The following MALRD1 variants were observed in gnomAD, a reference collection of about 807,000 sequenced individuals.
The protein encoded by MALRD1 is MAM and LDL-receptor class A domain-containing protein 1.
Under a neutral mutation model 242.1 loss-of-function variants are expected in MALRD1, and 247 were observed. That is an observed-to-expected ratio of 1.02 (90% CI 0.92 to 1.13). MALRD1 has a LOEUF of 1.13. Ranked by LOEUF, MALRD1 falls within the 50% of genes most tolerant of loss-of-function variation. The pLI is 0.00. For synonymous variants in MALRD1, 995 were observed against 866.6 expected, an observed-to-expected ratio of 1.15 and a Z score of -2.60; for missense variants, 2,989 against 2,533.1, an observed-to-expected ratio of 1.18 and a Z score of -3.86.
intron 24 of MALRD1, among the ~76,000 whole-genome samples, chr10:19,341,499 T>TAC (rs1683888951): frequency 7.0e-6 from 1 of 142,914 alleles, no homozygotes; most frequent in Non-Finnish European, 1.5e-5. Flanking sequence ...TATATGTATA[T>TAC]ATGTATATAT....
chr10:19,549,959 G>A (rs925177122), intron 32 of MALRD1, among the ~76,000 whole-genome samples: 1 of 152,132 alleles, frequency 6.6e-6, no homozygotes, highest in African/African-American at 2.4e-5. Context: ...AGAGAGCAAT[G>A]CCTCTCTATA....
At chr10:19,117,934 T>C (rs1266179564) in intron 5 of MALRD1, among the ~76,000 whole-genome samples, 1 of 151,284 alleles carries the variant, frequency 6.6e-6, no homozygotes, top group Admixed American at 6.8e-5. Context: ...GATAGTCGTG[T>C]GATAGCGGTG....
intron 1 of MALRD1, among the ~76,000 whole-genome samples, chr10:19,053,482 C>T (rs560707537): frequency 3.9e-5 from 6 of 152,252 alleles, no homozygotes; most frequent in Admixed American, 2.0e-4. Flanking sequence ...CCGAAATTGG[C>T]GGGCTTGACC....
At chr10:19,538,907 G>T (rs1834805203) in intron 32 of MALRD1, among the ~76,000 whole-genome samples, 1 of 152,088 alleles carries the variant, frequency 6.6e-6, no homozygotes, top group Non-Finnish European at 1.5e-5. Flanking sequence ...TGTTGAAATG[G>T]TCTCTATCTT....
chr10:19,068,770 A>G (rs1247433412), intron 2 of MALRD1, among the ~76,000 whole-genome samples: 1 of 152,106 alleles, frequency 6.6e-6, no homozygotes, highest in Admixed American at 6.6e-5. Flanking sequence ...ATAAGTATTA[A>G]CCAAATTTTT....
At chr10:19,223,507 T>G (rs936667800) in intron 18 of MALRD1, among the ~76,000 whole-genome samples, 7 of 152,166 alleles carry the variant, frequency 4.6e-5, no homozygotes, top group Non-Finnish European at 1.0e-4. Context: ...TTTTTACCAT[T>G]TTCAATTTAT....
chr10:19,130,074 T>G (rs1278040973), intron 8 of MALRD1, among the ~76,000 whole-genome samples: 1 of 152,032 alleles, frequency 6.6e-6, no homozygotes, highest in Non-Finnish European at 1.5e-5. Flanking sequence ...CTTGTTATGT[T>G]TTTGTGTTTC....
chr10:19,664,706 T>G (rs1841599408), intron 36 of MALRD1, among the ~76,000 whole-genome samples: 1 of 151,744 alleles, frequency 6.6e-6, no homozygotes. Context: ...AATATATTTA[T>G]TATAAATAAT....
upstream of MALRD1, among the ~76,000 whole-genome samples, chr10:19,047,483 G>A (rs1246394869): frequency 1.3e-5 from 2 of 151,972 alleles, no homozygotes; most frequent in Non-Finnish European, 2.9e-5. Flanking sequence ...AGTGAAGAGA[G>A]AGCCTAGAAA....
At chr10:19,429,372 C>A (rs1834030119) in intron 28 of MALRD1, among the ~76,000 whole-genome samples, 1 of 151,904 alleles carries the variant, frequency 6.6e-6, no homozygotes. Flanking sequence ...GAGTTTAAGA[C>A]CAGCCTGGTG....
intron 28 of MALRD1, among the ~76,000 whole-genome samples, chr10:19,419,800 T>C (rs931552671): frequency 6.6e-6 from 1 of 152,182 alleles, no homozygotes; most frequent in African/African-American, 2.4e-5. Context: ...AACTCCTGAA[T>C]AGTCGTCAAC....
chr10:19,627,759 TAA>T (rs553942713), intron 36 of MALRD1, among the ~76,000 whole-genome samples: 37 of 56,214 alleles, frequency 6.6e-4, no homozygotes, highest in Non-Finnish European at 1.2e-3. Context: ...CAAGACTGTC[TAA>T]AAAAAAAAAA....
At chr10:19,437,576 T>A (rs1834401532) in intron 28 of MALRD1, among the ~76,000 whole-genome samples, 1 of 152,208 alleles carries the variant, frequency 6.6e-6, no homozygotes, top group Admixed American at 6.6e-5. Flanking sequence ...GGATCTAGAT[T>A]TCCTGAATCC....
At chr10:19,117,158 T>C (rs1345371225) in intron 5 of MALRD1, among the ~76,000 whole-genome samples, 9 of 151,446 alleles carry the variant, frequency 5.9e-5, no homozygotes, top group Non-Finnish European at 1.2e-4. Flanking sequence ...AGAATTAATA[T>C]GAGTATAAAT....
At chr10:19,138,333 G>T (rs1040561269) in intron 10 of MALRD1, among the ~76,000 whole-genome samples, 1 of 151,736 alleles carries the variant, frequency 6.6e-6, no homozygotes, top group Non-Finnish European at 1.5e-5. Flanking sequence ...CTTCATTTCT[G>T]TTGGGGAAAT....
At chr10:19,380,438 T>G (rs11009669) in intron 26 of MALRD1, among the ~76,000 whole-genome samples, 35,246 of 151,866 alleles carry the variant, frequency 0.23, 4,285 homozygotes, top group East Asian at 0.31. Flanking sequence ...TCCCCTCAGC[T>G]GTTCAGTAGT....
intron 29 of MALRD1, among the ~76,000 whole-genome samples, chr10:19,454,733 C>G (rs1376827256): frequency 6.6e-6 from 1 of 151,182 alleles, no homozygotes; most frequent in East Asian, 1.9e-4. Context: ...CACACACACA[C>G]ACACACACAC....
intron 33 of MALRD1, among the ~76,000 whole-genome samples, chr10:19,568,372 T>G (rs550140925): frequency 1.4e-5 from 2 of 142,440 alleles, no homozygotes; most frequent in East Asian, 2.0e-4. Context: ...TGTTGTTGTT[T>G]TTTCCTAACA....
chr10:19,583,344 G>A (rs1011053214), intron 33 of MALRD1, among the ~76,000 whole-genome samples: 1 of 150,296 alleles, frequency 6.7e-6, no homozygotes, highest in African/African-American at 2.5e-5. Context: ...CATTCAGTAT[G>A]ATATTGGCTG....
Sources: allele counts gnomAD v4.1 joint callset (sites outside exome capture counted in the v4.1 genomes callset), GRCh38; gene constraint gnomAD v4.1.1; transcripts MANE v1.5; gene names NCBI Gene and HGNC (gene_info 2026-07-23, HGNC 2026-07-21).